The following SYNE2 variants were observed in gnomAD, a reference collection of about 807,000 sequenced individuals.
The protein encoded by SYNE2 is nesprin-2.
SYNE2 carries 431 observed loss-of-function variants against 856.3 expected under a neutral mutation model. The ratio of observed to expected loss-of-function variants is 0.50; its 90% confidence interval spans 0.47 to 0.55. SYNE2 has a LOEUF of 0.55. Among genes scored for constraint, SYNE2 ranks in the 20% least tolerant of loss-of-function variants. SYNE2 has a pLI of 0.00. For synonymous variants in SYNE2, 2,923 were observed against 2,872.3 expected (o/e 1.02, Z -0.56); for missense variants, 8,129 against 8,023.2 (o/e 1.01, Z -0.50).
At chr14:64,130,005 G>A (rs1342445324) in intron 75 of SYNE2, 43 bp from the exon 76 acceptor site, 1 of 1,613,260 alleles carries the variant, frequency 6.2e-7, no homozygotes, top group Non-Finnish European at 8.5e-7. Flanking sequence ...TATTGCCCCG[G>A]TTGGATGAAA....
At chr14:64,056,421 A>G (rs1555456201) in intron 49 of SYNE2, among the ~76,000 whole-genome samples, 155 bp downstream of exon 49, 1 of 152,030 alleles carries the variant, frequency 6.6e-6, no homozygotes, top group Non-Finnish European at 1.5e-5. Flanking sequence ...AATATGGTTA[A>G]GTAGAAAAAA....
rs1024145624 is a variant in SYNE2 at position 64,143,767 on chromosome 14, T to G, written c.15307-5T>G. 7 of 1,614,004 alleles carry G rather than the reference T, an allele frequency of 4.3e-6. No individual in the cohort carries two copies. Among genetic ancestry groups the G allele is most frequent in the African/African-American group, 2.7e-5 (2 of 74,928 alleles). ...TGCTTTGGTGTTTAACTTTGCTTAT[T>G]TTAGGAGTTTAGAATGGAAATGGAC... On this transcript the variant is annotated splice_polypyrimidine_tract_variant and splice_region_variant and intron_variant, in intron 82 of 115. Transcript: ENST00000555002.
chr14:63,989,225 C>T (rs1336814762), intron 19 of SYNE2, among the ~76,000 whole-genome samples: 1 of 152,088 alleles, frequency 6.6e-6, no homozygotes, highest in Non-Finnish European at 1.5e-5. Flanking sequence ...GAGTTGTTGA[C>T]TTTGTTTATT....
intron 66 of SYNE2, among the ~76,000 whole-genome samples, chr14:64,116,049 TA>T (rs1332901923): frequency 1.3e-4 from 20 of 152,234 alleles, no homozygotes; most frequent in African/African-American, 4.6e-4. Flanking sequence ...TGTGTATCTG[TA>T]GTCCCAGCTA....
intron 31 of SYNE2, among the ~76,000 whole-genome samples, chr14:64,007,808 C>G (rs548818619): frequency 6.6e-6 from 1 of 151,608 alleles, no homozygotes; most frequent in African/African-American, 2.4e-5. Context: ...GTCAGGAGTT[C>G]GAGACCAGCC....
chr14:64,215,749 G>C (rs1209059040), intron 107 of SYNE2: 2 of 396,302 alleles, frequency 5.0e-6, no homozygotes, highest in Non-Finnish European at 4.5e-6. Context: ...GGGTTGGGGC[G>C]GTAAAGGGTG....
rs1465875873 is a variant in SYNE2 at position 64,080,488 on chromosome 14, C to T, written c.11196C>T (p.Ser3732=). 1 of 1,614,016 alleles carries T rather than the reference C, an allele frequency of 6.2e-7. No individual in the cohort carries two copies. Among genetic ancestry groups the T allele is most frequent in the Non-Finnish European group, 8.5e-7 (1 of 1,180,044 alleles). The change falls in exon 56 of 116, where the codon TCC becomes TCT. Residue 3732 remains serine, a synonymous_variant. Coordinates refer to ENST00000555002, the MANE Select transcript of SYNE2 (RefSeq NM_182914.3). ...KMWDELDLWH[S]KLNELDSEVQ... The stretch of plus-strand genomic sequence containing the variant: ...GGGACGAGTTAGATCTATGGCATTC[C>T]AAACTAAATGAGCTGGATTCTGAAG...
intron 30 of SYNE2, among the ~76,000 whole-genome samples, chr14:64,005,416 G>A (rs2096788705): frequency 6.6e-6 from 1 of 152,126 alleles, no homozygotes; most frequent in African/African-American, 2.4e-5. Context: ...ATGATTTATT[G>A]ACACATGGAC....
Position 64,149,356 on chromosome 14 carries a change from A to G in SYNE2, c.15639+3133A>G, listed in dbSNP as rs189320924. Among the ~76,000 whole-genome samples, 29 of 152,298 alleles carry G rather than the reference A, an allele frequency of 1.9e-4. No homozygotes were observed. The East Asian group carries it at 5.0e-3, about 26-fold the overall frequency. On this transcript the variant is annotated intron_variant, in intron 84 of 115. Transcript: ENST00000555002. Reference sequence around the variant, plus strand: ...AAAATGATGAAAATGATTGATGTATACTTTAATGACTTATCCCAGGGCAGA... The same window carrying G: ...AAAATGATGAAAATGATTGATGTATGCTTTAATGACTTATCCCAGGGCAGA...
intron 31 of SYNE2, 66 bp downstream of exon 31, chr14:64,007,288 A>G: frequency 6.7e-7 from 1 of 1,492,712 alleles, no homozygotes; most frequent in Non-Finnish European, 9.3e-7. Flanking sequence ...ACTTTTTCAA[A>G]CTTCTGGGTT....
At chr14:64,156,623 T>A (rs1049725430) in intron 85 of SYNE2, among the ~76,000 whole-genome samples, 1 of 151,722 alleles carries the variant, frequency 6.6e-6, no homozygotes, top group Non-Finnish European at 1.5e-5. Flanking sequence ...CACTCCCGGC[T>A]AATTTTTGTA....
chr14:64,000,358 A>G (rs1056134632), intron 27 of SYNE2, among the ~76,000 whole-genome samples: 4 of 152,198 alleles, frequency 2.6e-5, no homozygotes, highest in Non-Finnish European at 4.4e-5. Context: ...ACTTTACTGA[A>G]TGGGTCCTCT....
intron 6 of SYNE2, among the ~76,000 whole-genome samples, chr14:63,948,788 A>C (rs1482948283): frequency 7.5e-4 from 43 of 57,058 alleles, no homozygotes; most frequent in African/African-American, 4.9e-3. Flanking sequence ...GTGTGTATAT[A>C]TATATATATA....
chr14:64,204,389 G>A (rs1295142422), intron 100 of SYNE2: 1 of 152,156 alleles, frequency 6.6e-6, no homozygotes, highest in Non-Finnish European at 1.5e-5. Flanking sequence ...TACCCTGAGT[G>A]GTGAGTTTTT....
At chr14:63,783,581 T>A (rs539995449) in intron 1 of SYNE2, among the ~76,000 whole-genome samples, 1 of 152,198 alleles carries the variant, frequency 6.6e-6, no homozygotes, top group Non-Finnish European at 1.5e-5. Flanking sequence ...ACTAAACAGA[T>A]ATAGTATCAC....
intron 66 of SYNE2, among the ~76,000 whole-genome samples, chr14:64,116,855 A>C (rs2097857100): frequency 6.6e-6 from 1 of 152,240 alleles, no homozygotes; most frequent in Admixed American, 6.5e-5. Flanking sequence ...TGGGATATCA[A>C]CTTGTAGCTG....
chr14:64,100,519 AAAAAAAAAAAAAAT>A (rs2097713761), intron 63 of SYNE2, among the ~76,000 whole-genome samples: 1 of 59,854 alleles, frequency 1.7e-5, no homozygotes, highest in Admixed American at 1.9e-4. Flanking sequence ...TGTCTCAAAA[AAAAAAAAAAAAAAT>A]ATATATATAT....
chr14:64,161,911 A>T (rs1443528507), intron 87 of SYNE2, among the ~76,000 whole-genome samples, 161 bp from the exon 88 acceptor site: 1 of 152,222 alleles, frequency 6.6e-6, no homozygotes, highest in African/African-American at 2.4e-5. Context: ...TTTTTATATA[A>T]TGGTTTCTAT....
chr14:64,144,524 G>A (rs1363843179), intron 83 of SYNE2, among the ~76,000 whole-genome samples: 1 of 152,136 alleles, frequency 6.6e-6, no homozygotes, highest in Non-Finnish European at 1.5e-5. Flanking sequence ...ATTCACAAAA[G>A]AGGAAATTAT....
Sources: gnomAD v4.1 joint callset for allele counts (sites outside exome capture counted in the v4.1 genomes callset) on GRCh38, gnomAD v4.1.1 for gene constraint, MANE v1.5 for transcripts, NCBI Gene and HGNC (gene_info 2026-07-23, HGNC 2026-07-21) for gene names.